The following LTBP4 variants were observed in gnomAD, a reference collection of about 807,000 sequenced individuals.
The protein encoded by LTBP4 is latent transforming growth factor beta binding protein 4.
In LTBP4, 93 loss-of-function variants were observed where a neutral mutation model predicts 180.2. The ratio of observed to expected loss-of-function variants is 0.52; its 90% CI spans 0.44 to 0.61. The LOEUF is 0.61. Ranked by LOEUF, LTBP4 falls within the 20% of genes least tolerant of loss-of-function variation. LTBP4 has a pLI of 0.00. For synonymous variants in LTBP4, 947 were observed against 934.5 expected, an observed-to-expected ratio of 1.01 and a Z score of -0.24; for missense variants, 2,116 against 2,256.5, an observed-to-expected ratio of 0.94 and a Z score of 1.26.
upstream of LTBP4, among the ~76,000 whole-genome samples, chr19:40,597,057 C>A (rs935369247): frequency 6.6e-6 from 1 of 151,828 alleles, no homozygotes; most frequent in Non-Finnish European, 1.5e-5. Context: ...ATTGGCCGCG[C>A]GGCGAGCGCT....
chr19:40,611,822 G>T lies in LTBP4; in HGVS notation c.2054-37G>T, dbSNP rs777030432. ...GTGATGGCCATGGGAATGGATTCAG[G>T]CCCCTTCCTCAGCCTCATTGGTCCC... On this transcript the variant is annotated intron_variant, in intron 13 of 29. Transcript: ENST00000396819. The surrounding 1 kb of genome is among the most constrained non-coding windows in gnomAD (Gnocchi z 4.4). 66 of 1,588,062 alleles carry T rather than the reference G, an allele frequency of 4.2e-5. 1 individual carries two copies. The South Asian group carries it at 7.0e-4, about 17-fold the overall frequency.
At position 40,623,762 on chromosome 19, in the gene LTBP4, C is replaced by A. The variant is rs762436856; in HGVS notation, c.3685+30C>A. 12 of 1,612,604 alleles carry A rather than the reference C, an allele frequency of 7.4e-6. No homozygotes were observed. The South Asian group carries it at 1.3e-4, about 18-fold the overall frequency. The stretch of plus-strand genomic sequence containing the variant: ...AAGCCCCACCTCCCCCAACCCCCGG[C>A]AACTCTCTCCAACCCCTAGCCTTGC... On this transcript the variant is annotated intron_variant, in intron 25 of 29. Coordinates refer to ENST00000396819, the MANE Select transcript of LTBP4 (RefSeq NM_001042545.2).
chr19:40,625,286 A>ATATAAATATATATATATT, intron 26 of LTBP4, among the ~76,000 whole-genome samples: 1 of 5,522 alleles, frequency 1.8e-4, no homozygotes, highest in African/African-American at 2.4e-3. Context: ...ATATATATAT[A>ATATAAATATATATATATT]TATATATATA....
chr19:40,628,629 G>A (rs1357771909), intron 29 of LTBP4, among the ~76,000 whole-genome samples: 1 of 152,108 alleles, frequency 6.6e-6, no homozygotes, highest in Non-Finnish European at 1.5e-5. Context: ...TATGAAAAAT[G>A]GCTACAGTCA....
rs1247384197 is a variant in LTBP4 at position 40,622,243 on chromosome 19, C to CA, written c.3218-157dup. The CA allele has an allele frequency of 1.5e-5, 11 of 734,260 alleles. No individual in the cohort carries two copies. Among genetic ancestry groups the CA allele is most frequent in the Admixed American group, 9.4e-5 (3 of 31,972 alleles). The allele number at this position is 734,260 out of a possible 1,614,324, so 45.5% of individuals were successfully genotyped here. A position where few individuals can be genotyped will look rare whatever the true frequency, so the allele number is the denominator to read the frequency against. ...GAGGTGACAGTGGGAGAAAGAGAAA[C>CA]AGTGACAGAGGAGCGTGAGAGGTGT... On this transcript the variant is annotated intron_variant, in intron 22 of 29. Coordinates refer to ENST00000396819, the MANE Select transcript of LTBP4 (RefSeq NM_001042545.2). This position sits in a 1 kb window ranked among gnomAD's most constrained non-coding sequence, Gnocchi z 5.1.
Position 40,611,181 on chromosome 19 carries a change from C to T in LTBP4, c.1840C>T (p.Leu614=). Residue 614 remains leucine, a synonymous_variant, in exon 13 of 30, where the codon CTG becomes TTG. Transcript: ENST00000396819. The surrounding 1 kb of genome is among the most constrained non-coding windows in gnomAD (Gnocchi z 4.4). ...DVDECTQSPG[L]CGRGACKNLP... ...GGATGAATGCACCCAGAGCCCAGGC[C>T]TGTGTGGCCGAGGGGCCTGCAAGAA... 1 of 1,613,578 alleles carries T rather than the reference C, an allele frequency of 6.2e-7. No individual in the cohort carries two copies.
At chr19:40,602,181 GTGGCGGC>G in intron 1 of LTBP4, among the ~76,000 whole-genome samples, 1 of 146,464 alleles carries the variant, frequency 6.8e-6, no homozygotes, top group Non-Finnish European at 1.5e-5. Context: ...GTGTGTGTGT[GTGGCGGC>G]GGGGGTGGGG....
rs192080165 is a variant in LTBP4 at position 40,604,935 on chromosome 19, C to A, written c.251-100C>A. On this transcript the variant is annotated intron_variant, in intron 1 of 29. Coordinates refer to ENST00000396819, the MANE Select transcript of LTBP4 (RefSeq NM_001042545.2). ...GGCGGGGCCACATGACAGCTAAGGG[C>A]GGAGCGACTTAGAAATGAATGATAC... is the stretch of plus-strand genomic sequence containing the variant. 95 of 1,092,654 alleles carry A rather than the reference C, an allele frequency of 8.7e-5. No individual in the cohort carries two copies. In the Admixed American group the frequency reaches 2.2e-3, roughly 25 times the overall value. 67.7% of individuals were successfully genotyped at this position (1,092,654 alleles called of 1,614,324 possible).
chr19:40,624,503 C>T (rs937858317), intron 26 of LTBP4, among the ~76,000 whole-genome samples: 4 of 152,226 alleles, frequency 2.6e-5, no homozygotes, highest in African/African-American at 9.6e-5. Flanking sequence ...AAACGATTCT[C>T]CTGCCTCAGG....
rs756836063 is a variant in LTBP4 at position 40,614,056 on chromosome 19, G to A, written c.2680+18G>A. 2.7e-5 allele frequency: 43 copies of A among 1,610,562 alleles called. No homozygotes were observed. Among genetic ancestry groups the A allele is most frequent in the Non-Finnish European group, 3.6e-5 (42 of 1,179,074 alleles). On this transcript the variant is annotated intron_variant, in intron 18 of 29. Coordinates refer to ENST00000396819, the MANE Select transcript of LTBP4 (RefSeq NM_001042545.2). The stretch of plus-strand genomic sequence containing the variant: ...CTGCCTCGGTGAGAGGCCCCGCCCC[G>A]GCCTGATCCCTCCTCCCTTCGACTC...
chr19:40,605,122 G>T lies in LTBP4; in HGVS notation c.338G>T (p.Cys113Phe). The T allele has an allele frequency of 1.2e-6, 2 of 1,613,734 alleles. No homozygotes were observed. Among genetic ancestry groups the T allele is most frequent in the South Asian group, 1.1e-5 (1 of 91,056 alleles). The change falls in exon 2 of 30, where the codon TGC becomes TTC. Residue 113 changes from cysteine (C) to phenylalanine (F), a missense_variant. Coordinates refer to ENST00000396819, the MANE Select transcript of LTBP4 (RefSeq NM_001042545.2). This position sits in a 1 kb window ranked among gnomAD's most constrained non-coding sequence, Gnocchi z 5.5. ...CCCCCGGACTTCGCTGGCAAGTTCTGCCAGTTGCACTCCTCGGGCGCCCGG... is the reference window on the plus strand; with the variant it reads ...CCCCCGGACTTCGCTGGCAAGTTCTTCCAGTTGCACTCCTCGGGCGCCCGG... ...LCPPDFAGKF[C>F]QLHSSGARPP...
At position 40,627,689 on chromosome 19, in the gene LTBP4, C is replaced by G; in HGVS notation, c.4367-16C>G. On this transcript the variant is annotated splice_polypyrimidine_tract_variant and intron_variant, in intron 28 of 29. Transcript: ENST00000396819. The stretch of plus-strand genomic sequence containing the variant: ...GGCAGGGACCTCAAGTCATAGGGTC[C>G]CCGCATTTCCCACAGGTTCCCTGGC... 6.3e-7 allele frequency: 1 copy of G among 1,577,330 alleles called. No homozygotes were observed. Among genetic ancestry groups the G allele is most frequent in the Non-Finnish European group, 8.6e-7 (1 of 1,163,242 alleles).
chr19:40,593,701 CAT>C (rs1568397712), intron 1 of LTBP4, among the ~76,000 whole-genome samples: 2 of 101,226 alleles, frequency 2.0e-5, no homozygotes, highest in African/African-American at 4.8e-5. Context: ...ATATTAGAGT[CAT>C]TTTTTTTTCC....
In LTBP4 at chr19:40,610,531, G is replaced by A. The variant is rs1304859000; in HGVS notation, c.1685-1G>A. On this transcript the variant is annotated splice_acceptor_variant, in intron 11 of 29. Transcript: ENST00000396819. LOFTEE classifies it high-confidence loss of function. ...CCCAGCCGCCTGGTCTGTGCCTACA[G>A]ATGTGGACGAGTGCCACCGCGTGCC... The A allele has an allele frequency of 6.3e-7, 1 of 1,594,016 alleles. No homozygotes were observed. Among genetic ancestry groups the A allele is most frequent in the African/African-American group, 1.3e-5 (1 of 74,938 alleles).
In LTBP4 at chr19:40,605,447, AGGCGTCG is replaced by A; in HGVS notation, c.487_493del (p.Ala163TrpfsTer106). 1 of 1,612,708 alleles carries A rather than the reference AGGCGTCG, an allele frequency of 6.2e-7. No individual in the cohort carries two copies. Among genetic ancestry groups the A allele is most frequent in the South Asian group, 1.1e-5 (1 of 91,084 alleles). Reference sequence around the variant, plus strand: ...AGCGTCCACGTGGAGCACCCGCAGGAGGCGTCGGTGGTGGTGCACCAGGTGGAGCGTG... The same window carrying A: ...AGCGTCCACGTGGAGCACCCGCAGGAGTGGTGGTGCACCAGGTGGAGCGTG... On this transcript the variant is annotated frameshift_variant, in exon 3 of 30. Coordinates refer to ENST00000396819, the MANE Select transcript of LTBP4 (RefSeq NM_001042545.2). LOFTEE classifies it high-confidence loss of function. The surrounding 1 kb of genome is among the most constrained non-coding windows in gnomAD (Gnocchi z 5.5).
rs947362852 is a variant in LTBP4 at position 40,613,866 on chromosome 19, G to A, written c.2558-50G>A. On this transcript the variant is annotated intron_variant, in intron 17 of 29. Transcript: ENST00000396819. The surrounding 1 kb of genome is among the most constrained non-coding windows in gnomAD (Gnocchi z 5.0). ...GCGGTGGAGGGGTGTGGCCTAGAATGTTAGGCGGAGCGGGAGGTGGGCCGG... is the reference window on the plus strand; with the variant it reads ...GCGGTGGAGGGGTGTGGCCTAGAATATTAGGCGGAGCGGGAGGTGGGCCGG... 7 of 1,611,228 alleles carry A rather than the reference G, an allele frequency of 4.3e-6. No homozygotes were observed. The African/African-American group carries it at 8.0e-5, about 18-fold the overall frequency.
exon 1 of LTBP4, chr19:40,601,361 GGCGCGGCGGA>G (rs1464400930): frequency 2.6e-6 from 3 of 1,150,282 alleles, no homozygotes; most frequent in South Asian, 4.2e-5. Context: ...CTGGGGCGGC[GGCGCGGCGGA>G]GCGCGGCGCT....
rs114749335 is a variant in LTBP4 at position 40,608,301 on chromosome 19, G to A, written c.1238G>A (p.Gly413Asp). The A allele has an allele frequency of 5.5e-4, 882 of 1,613,792 alleles. 4 individuals are homozygous for A. The African/African-American group carries it at 0.011, about 19-fold the overall frequency. Residue 413 changes from glycine (G) to aspartate (D), a missense_variant, in exon 8 of 30, where the codon GGC becomes GAC. Transcript: ENST00000396819. Reference protein sequence around the residue: ...SDLRYNTRPLGQEPPRVSLSQ... With the variant: ...SDLRYNTRPLDQEPPRVSLSQ... ...CTCCGCTACAACACCAGACCCCTGG[G>A]CCAGGAGCCACCCCGAGTGTCACTC...
intron 19 of LTBP4, among the ~76,000 whole-genome samples, chr19:40,615,085 T>C (rs556696236): frequency 6.6e-6 from 1 of 151,066 alleles, no homozygotes; most frequent in East Asian, 2.0e-4. Flanking sequence ...TTTTCTTACT[T>C]TCCAGGCCTT....
Sources: gnomAD v4.1 joint callset for allele counts (sites outside exome capture counted in the v4.1 genomes callset) on GRCh38, gnomAD v4.1.1 for gene constraint, Gnocchi (gnomAD v3.1) non-coding constraint, MANE v1.5 for transcripts, NCBI Gene and HGNC (gene_info 2026-07-23, HGNC 2026-07-21) for gene names.